The following PARD3 variants were observed in gnomAD, a reference collection of about 807,000 sequenced individuals.
PARD3 encodes the protein partitioning defective 3 homolog.
A neutral mutation model predicts 155.4 loss-of-function variants in PARD3; 75 were observed. The observed-to-expected ratio is 0.48, with a 90% CI of 0.40 to 0.58. The LOEUF (loss-of-function observed/expected upper bound fraction) is 0.58, where lower values mean the gene tolerates loss of function less well. Among genes scored for constraint, PARD3 ranks in the 20% least tolerant of loss-of-function variants. The pLI, the probability that PARD3 is intolerant of heterozygous loss-of-function variation, is 0.00. For missense variants in PARD3, 1,642 were observed against 1,721.7 expected (o/e 0.95, Z 0.82); for synonymous variants, 576 against 610.5 (o/e 0.94, Z 0.83).
At chr10:34,208,534 C>T (rs1951585726) in intron 22 of PARD3, among the ~76,000 whole-genome samples, 1 of 152,236 alleles carries the variant, frequency 6.6e-6, no homozygotes, top group African/African-American at 2.4e-5. Context: ...TAATAGATCA[C>T]ACCTCATGGC....
chr10:34,589,153 T>C (rs542684793), intron 2 of PARD3, among the ~76,000 whole-genome samples: 9 of 152,256 alleles, frequency 5.9e-5, no homozygotes, highest in Admixed American at 3.3e-4. Flanking sequence ...TGAGATTACA[T>C]AGTAATGAGT....
intron 22 of PARD3, among the ~76,000 whole-genome samples, chr10:34,208,818 C>T (rs1309658679): frequency 6.6e-6 from 1 of 152,078 alleles, no homozygotes; most frequent in African/African-American, 2.4e-5. Context: ...TCCTTTCAGA[C>T]ATTTAACAAT....
At chr10:34,458,815 TGCTTTCCTGCACAGTATTTCATAAGG>T (rs2077470991) in intron 4 of PARD3, among the ~76,000 whole-genome samples, 1 of 152,192 alleles carries the variant, frequency 6.6e-6, no homozygotes, top group South Asian at 2.1e-4. Flanking sequence ...AGCCTCCACT[TGCTTTCCTGCACAGTATTTCATAAGG>T]GCCAACATGG....
chr10:34,335,745 G>A (rs549244760), intron 18 of PARD3, among the ~76,000 whole-genome samples: 2 of 152,066 alleles, frequency 1.3e-5, no homozygotes, highest in South Asian at 4.2e-4. Flanking sequence ...TAGCAATACC[G>A]GACGTTGTCC....
intron 22 of PARD3, among the ~76,000 whole-genome samples, chr10:34,135,457 T>C (rs892343835): frequency 6.6e-6 from 1 of 152,226 alleles, no homozygotes; most frequent in Non-Finnish European, 1.5e-5. Context: ...CACAGAACTA[T>C]GTGACCCTGA....
chr10:34,139,880 T>G (rs182868066), intron 22 of PARD3, among the ~76,000 whole-genome samples: 1 of 152,200 alleles, frequency 6.6e-6, no homozygotes, highest in African/African-American at 2.4e-5. Flanking sequence ...AACTACCAGA[T>G]ATTGACACCA....
At chr10:34,349,431 T>TTG (rs1334294951) in intron 14 of PARD3, among the ~76,000 whole-genome samples, 1 of 151,970 alleles carries the variant, frequency 6.6e-6, no homozygotes, top group Non-Finnish European at 1.5e-5. Flanking sequence ...AAACGAGGAT[T>TTG]TGTTTCATTT....
At chr10:34,245,824 C>T (rs923518217) in intron 22 of PARD3, among the ~76,000 whole-genome samples, 3 of 152,182 alleles carry the variant, frequency 2.0e-5, no homozygotes, top group Non-Finnish European at 2.9e-5. Flanking sequence ...CCGTTGAGTT[C>T]GTGATGCTGT....
chr10:34,462,135 A>AC (rs1382894188), intron 4 of PARD3, among the ~76,000 whole-genome samples: 2 of 152,238 alleles, frequency 1.3e-5, no homozygotes, highest in Admixed American at 6.5e-5. Context: ...GAGACCTCTA[A>AC]CAGGAAATAC....
In PARD3 at chr10:34,744,233, C is replaced by T. The variant is rs144709641; in HGVS notation, c.121-47814G>A. Among the ~76,000 whole-genome samples the T allele has an allele frequency of 4.5e-4, 69 of 152,336 alleles. 2 individuals carry two copies. The East Asian group carries it at 0.011, about 23-fold the overall frequency. ...TTAAAATGCAACAAGCCAGACAGTA[C>T]ATTAGCCATTATCCATGCAAATCTT... On this transcript the variant is annotated intron_variant, in intron 1 of 24. Transcript: ENST00000374788.
At chr10:34,636,582 C>T (rs759695466) in intron 2 of PARD3, among the ~76,000 whole-genome samples, 2 of 152,308 alleles carry the variant, frequency 1.3e-5, no homozygotes, top group African/African-American at 4.8e-5. Flanking sequence ...AGTCACCTCA[C>T]GAAGAGTCAA....
intron 2 of PARD3, among the ~76,000 whole-genome samples, chr10:34,539,617 C>T (rs768494430): frequency 8.5e-5 from 13 of 152,116 alleles, no homozygotes; most frequent in Non-Finnish European, 1.6e-4. Flanking sequence ...GCCGAGATCA[C>T]GACACTGCAC....
chr10:34,473,999 C>A (rs1486200913), intron 3 of PARD3, among the ~76,000 whole-genome samples: 1 of 152,156 alleles, frequency 6.6e-6, no homozygotes, highest in East Asian at 1.9e-4. Flanking sequence ...AACACAAGGA[C>A]CTTTATGGGC....
intron 2 of PARD3, among the ~76,000 whole-genome samples, chr10:34,615,385 CACT>C (rs2091185240): frequency 1.3e-5 from 2 of 152,078 alleles, no homozygotes; most frequent in Admixed American, 1.3e-4. Flanking sequence ...CAACAAACAC[CACT>C]GAGGAAACAG....
chr10:34,471,052 G>GA (rs2078315841), intron 3 of PARD3, among the ~76,000 whole-genome samples: 2 of 152,162 alleles, frequency 1.3e-5, no homozygotes, highest in South Asian at 4.2e-4. Context: ...CTGCTCTACT[G>GA]AAAAATTTTG....
At chr10:34,659,642 C>T (rs541479306) in intron 2 of PARD3, among the ~76,000 whole-genome samples, 15 of 152,180 alleles carry the variant, frequency 9.9e-5, no homozygotes, top group Middle Eastern at 3.4e-3. Flanking sequence ...TATTTTCCCC[C>T]CACTGTGAAT....
chr10:34,548,577 T>C (rs1426819958), intron 2 of PARD3, among the ~76,000 whole-genome samples: 1 of 151,494 alleles, frequency 6.6e-6, no homozygotes, highest in Admixed American at 6.6e-5. Flanking sequence ...AAAAATAAAA[T>C]AGCATGCAAT....
At chr10:34,190,358 C>CA (rs1218845799) in intron 22 of PARD3, among the ~76,000 whole-genome samples, 1 of 152,086 alleles carries the variant, frequency 6.6e-6, no homozygotes, top group Non-Finnish European at 1.5e-5. Flanking sequence ...TGCCACTGGT[C>CA]TTACAATTTT....
chr10:34,207,279 G>A (rs1951525547), intron 22 of PARD3, among the ~76,000 whole-genome samples: 3 of 152,154 alleles, frequency 2.0e-5, no homozygotes, highest in Non-Finnish European at 4.4e-5. Flanking sequence ...CTTGGGTGGG[G>A]ACAAAAAGGT....
Sources: gnomAD v4.1 joint callset for allele counts (sites outside exome capture counted in the v4.1 genomes callset) on GRCh38, gnomAD v4.1.1 for gene constraint, MANE v1.5 for transcripts, NCBI Gene and HGNC (gene_info 2026-07-23, HGNC 2026-07-21) for gene names.